The following RBFOX1 variants were observed in gnomAD, a reference collection of about 807,000 sequenced individuals.
RBFOX1 encodes the protein RNA binding fox-1 homolog 1.
Under a neutral mutation model 57.7 loss-of-function variants are expected in RBFOX1, and 8 were observed. The ratio of observed to expected loss-of-function variants is 0.14; its 90% CI spans 0.08 to 0.25. RBFOX1 has a LOEUF of 0.25. Among genes scored for constraint, RBFOX1 ranks in the 10% least tolerant of loss-of-function variants. The probability of loss-of-function intolerance (pLI) is 1.00; values close to 1 mark genes in which losing one functional copy is unlikely to be tolerated. For synonymous variants in RBFOX1, 326 were observed against 222.4 expected, an observed-to-expected ratio of 1.47 and a Z score of -4.15; for missense variants, 611 against 548.5, an observed-to-expected ratio of 1.11 and a Z score of -1.14.
At chr16:6,884,209 C>T (rs900629576) in intron 3 of RBFOX1, among the ~76,000 whole-genome samples, 8 of 152,182 alleles carry the variant, frequency 5.3e-5, no homozygotes, top group African/African-American at 1.7e-4. Context: ...GGCTCATGTG[C>T]AGTCAGCCAT....
chr16:7,412,227 C>T (rs1328871549), intron 4 of RBFOX1, among the ~76,000 whole-genome samples: 1 of 151,726 alleles, frequency 6.6e-6, no homozygotes, highest in Non-Finnish European at 1.5e-5. Context: ...CTAGCCTGGC[C>T]AACATGGTGA....
chr16:5,983,125 T>C (rs2060207108), intron 4 of RBFOX1, among the ~76,000 whole-genome samples: 1 of 152,126 alleles, frequency 6.6e-6, no homozygotes, highest in Admixed American at 6.6e-5. Flanking sequence ...TCCAATTAAC[T>C]CCCTGCATTC....
intron 4 of RBFOX1, among the ~76,000 whole-genome samples, chr16:7,466,959 G>A (rs544969573): frequency 6.6e-6 from 1 of 152,258 alleles, no homozygotes; most frequent in Non-Finnish European, 1.5e-5. Flanking sequence ...TATTTACAGA[G>A]CACCCACTCT....
At chr16:6,629,669 A>G (rs540547523) in intron 2 of RBFOX1, among the ~76,000 whole-genome samples, 3 of 152,260 alleles carry the variant, frequency 2.0e-5, no homozygotes, top group South Asian at 4.1e-4. Context: ...ACGAGATTTT[A>G]ATTAACAGCA....
intron 4 of RBFOX1, among the ~76,000 whole-genome samples, chr16:7,251,754 A>T (rs1567898082): frequency 6.6e-6 from 1 of 152,142 alleles, no homozygotes. Flanking sequence ...GCTTAGGTTG[A>T]TTCCATATCT....
At chr16:7,473,138 G>A (rs2061896142) in intron 4 of RBFOX1, among the ~76,000 whole-genome samples, 1 of 152,154 alleles carries the variant, frequency 6.6e-6, no homozygotes, top group South Asian at 2.1e-4. Context: ...AGCCCTTTGG[G>A]AGGCTGAGGT....
chr16:6,344,381 C>G (rs1030975353), intron 2 of RBFOX1, among the ~76,000 whole-genome samples: 1 of 130,982 alleles, frequency 7.6e-6, no homozygotes, highest in Non-Finnish European at 1.6e-5. Flanking sequence ...ATCTTTCCTT[C>G]TCTCTTCTTC....
At chr16:5,285,018 GA>G (rs1475143777) in intron 1 of RBFOX1, among the ~76,000 whole-genome samples, 1 of 151,844 alleles carries the variant, frequency 6.6e-6, no homozygotes, top group Admixed American at 6.6e-5. Flanking sequence ...CAAGACTTAG[GA>G]AGTTTTCAGT....
intron 2 of RBFOX1, among the ~76,000 whole-genome samples, chr16:5,591,789 TG>T (rs2151184379): frequency 6.6e-6 from 1 of 152,342 alleles, no homozygotes; most frequent in Admixed American, 6.5e-5. Flanking sequence ...GAATTTATGT[TG>T]TTCCCAGTAT....
chr16:6,033,488 G>T (rs1329683908), intron 1 of RBFOX1, among the ~76,000 whole-genome samples: 1 of 152,164 alleles, frequency 6.6e-6, no homozygotes, highest in East Asian at 1.9e-4. Context: ...CATTTACACA[G>T]ATATTTATAC....
At chr16:7,638,520 G>T (rs1482692728) in intron 11 of RBFOX1, among the ~76,000 whole-genome samples, 2 of 152,140 alleles carry the variant, frequency 1.3e-5, no homozygotes, top group African/African-American at 4.8e-5. Context: ...CTCTATTTGG[G>T]CCAAGGCTGT....
chr16:6,080,194 C>T (rs1463573904), intron 1 of RBFOX1, among the ~76,000 whole-genome samples: 5 of 152,104 alleles, frequency 3.3e-5, no homozygotes, highest in Non-Finnish European at 7.3e-5. Context: ...CCATCCCAAT[C>T]TTCCCTTGGC....
chr16:7,403,566 C>A (rs1015192277), intron 4 of RBFOX1, among the ~76,000 whole-genome samples: 1 of 144,658 alleles, frequency 6.9e-6, no homozygotes, highest in Admixed American at 6.9e-5. Flanking sequence ...AGAGAATCCC[C>A]CCCCCCCCAC....
chr16:7,355,504 G>C (rs1215169662), intron 4 of RBFOX1, among the ~76,000 whole-genome samples: 2 of 152,060 alleles, frequency 1.3e-5, no homozygotes, highest in Non-Finnish European at 2.9e-5. Context: ...TACATGCATA[G>C]GTATGTGTAC....
intron 3 of RBFOX1, among the ~76,000 whole-genome samples, chr16:6,847,143 C>G (rs935335828): frequency 2.0e-5 from 3 of 152,172 alleles, no homozygotes; most frequent in African/African-American, 4.8e-5. Context: ...CCACTCCTGT[C>G]TTGCGGCCAT....
At chr16:6,913,318 A>C (rs534780866) in intron 3 of RBFOX1, among the ~76,000 whole-genome samples, 1 of 152,214 alleles carries the variant, frequency 6.6e-6, no homozygotes, top group Admixed American at 6.5e-5. Flanking sequence ...AAAAGATTCA[A>C]CTGGGGATAA....
chr16:5,938,502 T>C (rs1383431588), intron 4 of RBFOX1, among the ~76,000 whole-genome samples: 3 of 152,188 alleles, frequency 2.0e-5, no homozygotes, highest in Admixed American at 6.5e-5. Flanking sequence ...TTGCAAAATG[T>C]CCCCAATTCT....
chr16:7,076,101 G>T (rs1006321264), intron 4 of RBFOX1, among the ~76,000 whole-genome samples: 15 of 151,164 alleles, frequency 9.9e-5, no homozygotes, highest in African/African-American at 3.6e-4. Flanking sequence ...GACTGCCATG[G>T]CGCGATCTCG....
chr16:6,476,823 A>G (rs1346970199), intron 2 of RBFOX1, among the ~76,000 whole-genome samples: 1 of 152,222 alleles, frequency 6.6e-6, no homozygotes, highest in African/African-American at 2.4e-5. Context: ...AACTTCTTTC[A>G]GAATTGGAGT....
Sources: gnomAD v4.1 joint callset for allele counts (sites outside exome capture counted in the v4.1 genomes callset) on GRCh38, gnomAD v4.1.1 for gene constraint, MANE v1.5 for transcripts, NCBI Gene and HGNC (gene_info 2026-07-23, HGNC 2026-07-21) for gene names.